Variants in DPF3 observed in about 807,000 individuals in gnomAD.
DPF3 encodes zinc finger protein DPF3.
Under a neutral mutation model 56.8 loss-of-function variants are expected in DPF3, and 18 were observed. That is an observed-to-expected ratio of 0.32 (90% CI 0.22 to 0.47). The LOEUF (loss-of-function observed/expected upper bound fraction) is 0.47. Ranked by LOEUF, DPF3 falls within the 20% of genes least tolerant of loss-of-function variation. The pLI, the probability that DPF3 is intolerant of heterozygous loss-of-function variation, is 1.00. For synonymous variants in DPF3, 188 were observed against 180.2 expected (o/e 1.04, Z -0.35); for missense variants, 403 against 488.8 (o/e 0.82, Z 1.65).
chr14:72,879,388 A>G (rs979981092), intron 1 of DPF3, among the ~76,000 whole-genome samples: 1 of 151,886 alleles, frequency 6.6e-6, no homozygotes, highest in Admixed American at 6.6e-5. Context: ...CCAAAAAAAA[A>G]AAAAAAAGAA....
At chr14:72,845,351 G>T (rs1884708000) in intron 1 of DPF3, among the ~76,000 whole-genome samples, 1 of 152,192 alleles carries the variant, frequency 6.6e-6, no homozygotes, top group Non-Finnish European at 1.5e-5. Context: ...GTAGACCTCT[G>T]TGACACCTAG....
intron 3 of DPF3, among the ~76,000 whole-genome samples, chr14:72,751,677 T>C (rs1297742754): frequency 2.0e-5 from 3 of 152,264 alleles, no homozygotes; most frequent in African/African-American, 4.8e-5. Flanking sequence ...TAAATGATTT[T>C]ATATCGATGA....
intron 7 of DPF3, among the ~76,000 whole-genome samples, chr14:72,689,283 G>A (rs1178805078): frequency 6.6e-6 from 1 of 152,210 alleles, no homozygotes; most frequent in Admixed American, 6.5e-5. Flanking sequence ...AAACCCAGCT[G>A]CCCTTGGCCC....
chr14:72,795,801 T>C (rs1016394240), intron 1 of DPF3, among the ~76,000 whole-genome samples: 2 of 152,206 alleles, frequency 1.3e-5, no homozygotes, highest in Non-Finnish European at 2.9e-5. Context: ...TCCAGAACCA[T>C]GGATCTCAGT....
intron 8 of DPF3, chr14:72,669,881 A>G: frequency 1.0e-6 from 1 of 985,644 alleles, no homozygotes; most frequent in Non-Finnish European, 1.2e-6. Flanking sequence ...AAAAAGGAAA[A>G]AGAAAAAGAA....
At chr14:72,709,825 A>G (rs987111276) in intron 6 of DPF3, among the ~76,000 whole-genome samples, 1 of 152,208 alleles carries the variant, frequency 6.6e-6, no homozygotes, top group Non-Finnish European at 1.5e-5. Context: ...GGGGGTTTAC[A>G]GAAATAATCC....
At chr14:72,890,612 A>C (rs1374442472) in intron 1 of DPF3, among the ~76,000 whole-genome samples, 1 of 152,176 alleles carries the variant, frequency 6.6e-6, no homozygotes, top group African/African-American at 2.4e-5. Flanking sequence ...TGTTACCTGC[A>C]TGTGTTTACT....
At chr14:72,773,908 C>G in intron 1 of DPF3, 1 of 455,612 alleles carries the variant, frequency 2.2e-6, no homozygotes, top group South Asian at 1.6e-5. Context: ...ATTCATCTGT[C>G]AGTGGATATC....
intron 3 of DPF3, among the ~76,000 whole-genome samples, chr14:72,740,816 C>T (rs1890094705): frequency 6.6e-6 from 1 of 152,172 alleles, no homozygotes; most frequent in Non-Finnish European, 1.5e-5. Context: ...AGTTCTGGGA[C>T]ATAGGAGTGA....
At chr14:72,686,238 T>C (rs1555496439) in intron 7 of DPF3, among the ~76,000 whole-genome samples, 2 of 152,172 alleles carry the variant, frequency 1.3e-5, no homozygotes, top group Non-Finnish European at 2.9e-5. Flanking sequence ...CAAAGTCCCA[T>C]CACATGGGCT....
At chr14:72,661,379 A>C in intron 8 of DPF3, 1 of 985,212 alleles carries the variant, frequency 1.0e-6, no homozygotes, top group East Asian at 1.1e-4. Flanking sequence ...CAGGCTCAGA[A>C]CCATTTCAGT....
At chr14:72,700,729 CTG>C (rs1008715293) in intron 6 of DPF3, among the ~76,000 whole-genome samples, 5 of 152,216 alleles carry the variant, frequency 3.3e-5, no homozygotes, top group African/African-American at 1.2e-4. Flanking sequence ...GCTGTTGACT[CTG>C]TGATCTTGGG....
intron 4 of DPF3, among the ~76,000 whole-genome samples, chr14:72,728,445 G>A (rs1367746093): frequency 1.3e-5 from 2 of 152,154 alleles, no homozygotes; most frequent in East Asian, 1.9e-4. Context: ...AGAACAGAGC[G>A]GCGAAAGGAG....
chr14:72,663,102 G>A (rs1163466295), intron 8 of DPF3, among the ~76,000 whole-genome samples: 2 of 138,822 alleles, frequency 1.4e-5, no homozygotes, highest in African/African-American at 2.7e-5. Context: ...CTGGGCCAGA[G>A]GCAGAGAGAA....
intron 1 of DPF3, among the ~76,000 whole-genome samples, chr14:72,859,678 G>A (rs1199830407): frequency 1.3e-5 from 2 of 152,018 alleles, no homozygotes; most frequent in Non-Finnish European, 1.5e-5. Flanking sequence ...GGGGGCGAGG[G>A]TCACAGTTCA....
At chr14:72,686,108 CA>C (rs1202357842) in intron 7 of DPF3, among the ~76,000 whole-genome samples, 1 of 152,222 alleles carries the variant, frequency 6.6e-6, no homozygotes, top group Non-Finnish European at 1.5e-5. Flanking sequence ...TGAGCCTGTT[CA>C]GAAGGATCTG....
rs78588939 is a variant in DPF3 at position 72,673,975 on chromosome 14, G to A, written c.871+265C>T. ...ACCTCGCTGTGGTCCGTAAAAACACGCACAAAGAAATATGCACCTCATGGA... is the reference window on the plus strand; with the variant it reads ...ACCTCGCTGTGGTCCGTAAAAACACACACAAAGAAATATGCACCTCATGGA... On this transcript the variant is annotated intron_variant, in intron 8 of 10. Transcript: ENST00000556509. The A allele has an allele frequency of 0.011, 4,670 of 419,444 alleles. 377 individuals are homozygous for A. The East Asian group carries it at 0.15, about 13-fold the overall frequency. The allele number at this position is 419,444 out of a possible 1,614,324, so 26.0% of individuals were successfully genotyped here.
At position 72,618,592 on chromosome 14, in the gene DPF3, G is replaced by A. The variant is rs1055550517; in HGVS notation, c.*705C>T. On this transcript the variant is annotated 3_prime_UTR_variant, in exon 11 of 11. Coordinates refer to ENST00000556509, the MANE Select transcript of DPF3 (RefSeq NM_001280542.3). ...TAACAAGTACTGACTGGCTATGGCG[G>A]GGCCTTGGCACCATTTCCACAATGT... Among the ~76,000 whole-genome samples, 2 of 152,150 alleles carry A rather than the reference G, an allele frequency of 1.3e-5. No homozygotes were observed. The highest frequency in any genetic ancestry group is 4.8e-5 in the African/African-American group (2 of 41,424).
At chr14:72,697,777 ATGGGG>A (rs1465159853) in intron 6 of DPF3, among the ~76,000 whole-genome samples, 2 of 152,134 alleles carry the variant, frequency 1.3e-5, no homozygotes, top group Non-Finnish European at 2.9e-5. Context: ...GAGAGGAAAA[ATGGGG>A]TGGGAGAGGG....
Sources: allele counts gnomAD v4.1 joint callset (sites outside exome capture counted in the v4.1 genomes callset), GRCh38; gene constraint gnomAD v4.1.1; transcripts MANE v1.5; gene names NCBI Gene and HGNC (gene_info 2026-07-23, HGNC 2026-07-21).